UMAD1: variants seen among roughly 807,000 people sequenced by gnomAD.
The protein encoded by UMAD1 is UBAP1-MVB12-associated (UMA) domain containing 1.
In UMAD1, 8 loss-of-function variants were observed where a neutral mutation model predicts 6.1. The observed-to-expected ratio is 1.30, with a 90% CI of 0.76 to 2.35. The LOEUF is 2.35. UMAD1 is among the 30% of genes most tolerant of loss of function. UMAD1 has a pLI of 0.00. For synonymous variants in UMAD1, 56 were observed against 31.4 expected, an observed-to-expected ratio of 1.78 and a Z score of -2.61; for missense variants, 130 against 78.4, an observed-to-expected ratio of 1.66 and a Z score of -2.49.
intron 1 of UMAD1, among the ~76,000 whole-genome samples, chr7:7,658,843 T>A (rs1276103852): frequency 2.0e-5 from 3 of 152,170 alleles, no homozygotes; most frequent in African/African-American, 7.2e-5. Context: ...GAGGAGCCCC[T>A]TTTTTTCTAT....
At chr7:7,869,940 C>A (rs753531956) in intron 3 of UMAD1, among the ~76,000 whole-genome samples, 4 of 152,112 alleles carry the variant, frequency 2.6e-5, no homozygotes, top group Non-Finnish European at 4.4e-5. Flanking sequence ...GCCTTGTATT[C>A]TTGGAGTGTG....
At chr7:7,795,744 C>A (rs186458421) in intron 2 of UMAD1, among the ~76,000 whole-genome samples, 2 of 152,074 alleles carry the variant, frequency 1.3e-5, no homozygotes, top group Non-Finnish European at 2.9e-5. Context: ...ACAGTCATGA[C>A]GTTGGTGGGA....
At chr7:7,689,712 C>T (rs552438865) in intron 2 of UMAD1, among the ~76,000 whole-genome samples, 1 of 152,020 alleles carries the variant, frequency 6.6e-6, no homozygotes, top group Non-Finnish European at 1.5e-5. Context: ...TTTCTAAACT[C>T]AAAACAATTG....
At chr7:7,783,278 G>A (rs542611253) in intron 2 of UMAD1, among the ~76,000 whole-genome samples, 1 of 152,210 alleles carries the variant, frequency 6.6e-6, no homozygotes, top group South Asian at 2.1e-4. Flanking sequence ...AGGGCTGTTG[G>A]TTATTAAAAT....
chr7:7,732,307 T>C (rs1238455838), intron 2 of UMAD1, among the ~76,000 whole-genome samples: 7 of 152,114 alleles, frequency 4.6e-5, no homozygotes, highest in African/African-American at 1.7e-4. Context: ...CAATAAATTC[T>C]GTGAAGTGAA....
intron 1 of UMAD1, among the ~76,000 whole-genome samples, chr7:7,659,554 C>T (rs570293861): frequency 2.2e-4 from 34 of 152,094 alleles, no homozygotes; most frequent in Middle Eastern, 3.2e-3. Flanking sequence ...GCCTTAATTT[C>T]GTTATTTACC....
chr7:7,772,622 G>A (rs1217731816), intron 2 of UMAD1, among the ~76,000 whole-genome samples: 1 of 152,166 alleles, frequency 6.6e-6, no homozygotes, highest in Non-Finnish European at 1.5e-5. Context: ...AAGTAGTGTG[G>A]TTTGTTTTTA....
At chr7:7,827,060 G>A (rs1025953516) in intron 3 of UMAD1, among the ~76,000 whole-genome samples, 6 of 151,628 alleles carry the variant, frequency 4.0e-5, no homozygotes, top group African/African-American at 1.5e-4. Flanking sequence ...GCTGTGCTCA[G>A]TGCCAAAGAA....
chr7:7,677,175 A>C (rs1040272198), intron 2 of UMAD1, among the ~76,000 whole-genome samples: 1 of 152,182 alleles, frequency 6.6e-6, no homozygotes, highest in African/African-American at 2.4e-5. Context: ...TGACACAGGC[A>C]TATAATGTGT....
intron 3 of UMAD1, among the ~76,000 whole-genome samples, chr7:7,805,285 G>T (rs1000552317): frequency 6.6e-6 from 1 of 152,028 alleles, no homozygotes; most frequent in Non-Finnish European, 1.5e-5. Flanking sequence ...GAGCCTCTCT[G>T]TGCCCAAGTT....
intron 3 of UMAD1, among the ~76,000 whole-genome samples, chr7:7,861,736 T>C (rs1347316008): frequency 1.3e-5 from 2 of 152,176 alleles, no homozygotes; most frequent in African/African-American, 4.8e-5. Flanking sequence ...ACACAGAAAA[T>C]AAGGCTTTTC....
chr7:7,764,063 T>A (rs913540967), intron 2 of UMAD1, among the ~76,000 whole-genome samples: 2 of 152,104 alleles, frequency 1.3e-5, no homozygotes, highest in African/African-American at 4.8e-5. Context: ...GAGCAAATAA[T>A]CTGAAATAGA....
intron 2 of UMAD1, among the ~76,000 whole-genome samples, chr7:7,706,221 G>A (rs1780595281): frequency 6.6e-6 from 1 of 151,958 alleles, no homozygotes; most frequent in Admixed American, 6.6e-5. Context: ...AGAACAAAAC[G>A]GATAATCACC....
intron 2 of UMAD1, among the ~76,000 whole-genome samples, chr7:7,777,150 C>T (rs371720872): frequency 9.9e-5 from 15 of 151,890 alleles, no homozygotes; most frequent in African/African-American, 3.4e-4. Context: ...ATGACTGTAC[C>T]ATACTTTATT....
chr7:7,681,052 T>C (rs1180048160), intron 2 of UMAD1, among the ~76,000 whole-genome samples: 3 of 152,158 alleles, frequency 2.0e-5, no homozygotes, highest in African/African-American at 7.2e-5. Flanking sequence ...GTTTGTGTGT[T>C]TGTTGATGTC....
intron 3 of UMAD1, among the ~76,000 whole-genome samples, chr7:7,805,435 A>G (rs190475197): frequency 0.011 from 1,687 of 152,110 alleles, 32 homozygotes; most frequent in African/African-American, 0.038. Context: ...CTTGCCCTCT[A>G]TATCCGGAAT....
chr7:7,652,995 T>C (rs1050119813), intron 1 of UMAD1, among the ~76,000 whole-genome samples: 1 of 152,224 alleles, frequency 6.6e-6, no homozygotes, highest in Non-Finnish European at 1.5e-5. Flanking sequence ...TTATTCTTGC[T>C]CCCCAGTGCT....
intron 2 of UMAD1, among the ~76,000 whole-genome samples, chr7:7,791,840 T>C (rs1280822182): frequency 3.3e-5 from 5 of 152,326 alleles, no homozygotes; most frequent in African/African-American, 1.2e-4. Flanking sequence ...AGCTGTATGA[T>C]TCGAACAGCA....
intron 1 of UMAD1, among the ~76,000 whole-genome samples, chr7:7,652,040 G>A (rs1406342934): frequency 6.6e-6 from 1 of 152,198 alleles, no homozygotes; most frequent in Non-Finnish European, 1.5e-5. Flanking sequence ...AAGGAAGGGA[G>A]GAAATCTAGT....
Sources: allele counts gnomAD v4.1 joint callset (sites outside exome capture counted in the v4.1 genomes callset), GRCh38; gene constraint gnomAD v4.1.1; transcripts MANE v1.5; gene names NCBI Gene and HGNC (gene_info 2026-07-23, HGNC 2026-07-21).